MCPH1: variants seen among roughly 807,000 people sequenced by gnomAD.
MCPH1 encodes the protein microcephalin.
MCPH1 carries 104 observed loss-of-function variants against 84.5 expected under a neutral mutation model. The ratio of observed to expected loss-of-function variants is 1.23; its 90% CI spans 1.05 to 1.45. The LOEUF (loss-of-function observed/expected upper bound fraction) is 1.45. Among genes scored for constraint, MCPH1 ranks in the 40% most tolerant of loss-of-function variants. The pLI is 0.00. For synonymous variants in MCPH1, 514 were observed against 366.8 expected (o/e 1.40, Z -4.58); for missense variants, 1,498 against 1,005.7 (o/e 1.49, Z -6.62).
intron 5 of MCPH1, 105 bp downstream of exon 5, chr8:6,436,267 A>C: frequency 8.1e-7 from 1 of 1,228,288 alleles, no homozygotes; most frequent in Middle Eastern, 2.8e-4. Context: ...GATGAAGACT[A>C]TGATAGCTTT....
At chr8:6,613,204 C>T (rs1029082269) in intron 12 of MCPH1, among the ~76,000 whole-genome samples, 4 of 152,002 alleles carry the variant, frequency 2.6e-5, no homozygotes, top group East Asian at 1.9e-4. Flanking sequence ...CACGGCTGAG[C>T]GTGAGAAAGG....
chr8:6,631,972 C>A (rs1299106677), intron 13 of MCPH1, among the ~76,000 whole-genome samples: 1 of 152,198 alleles, frequency 6.6e-6, no homozygotes, highest in African/African-American at 2.4e-5. Flanking sequence ...AAAATGTGGT[C>A]TATCCATACA....
chr8:6,411,389 A>G (rs1380188749), intron 2 of MCPH1, among the ~76,000 whole-genome samples: 3 of 152,248 alleles, frequency 2.0e-5, no homozygotes, highest in African/African-American at 7.2e-5. Flanking sequence ...CAAGTGACCA[A>G]AAGCAAGCAA....
At chr8:6,557,299 A>T (rs78126279) in intron 12 of MCPH1, among the ~76,000 whole-genome samples, 4 of 152,162 alleles carry the variant, frequency 2.6e-5, no homozygotes, top group Non-Finnish European at 5.9e-5. Flanking sequence ...ACTTAAAAAA[A>T]TATACAGGCT....
intron 11 of MCPH1, among the ~76,000 whole-genome samples, chr8:6,498,173 TAC>T (rs1811492201): frequency 6.6e-6 from 1 of 152,270 alleles, no homozygotes. Flanking sequence ...ATGTGTCACC[TAC>T]AAGATGCTGA....
At chr8:6,449,715 A>G (rs1014302064) in intron 8 of MCPH1, among the ~76,000 whole-genome samples, 1 of 152,068 alleles carries the variant, frequency 6.6e-6, no homozygotes, top group African/African-American at 2.4e-5. Flanking sequence ...GTTTGGGCTC[A>G]GGAAGTATGT....
At chr8:6,457,356 G>A (rs1234350884) in intron 9 of MCPH1, among the ~76,000 whole-genome samples, 4 of 152,168 alleles carry the variant, frequency 2.6e-5, no homozygotes, top group Admixed American at 6.5e-5. Flanking sequence ...ACTTTGGGGC[G>A]GGCGGATCAC....
At chr8:6,636,911 G>A (rs1797598985) in intron 13 of MCPH1, among the ~76,000 whole-genome samples, 1 of 152,228 alleles carries the variant, frequency 6.6e-6, no homozygotes, top group Non-Finnish European at 1.5e-5. Context: ...GGAAACAGAA[G>A]TTGGTGTGGT....
intron 12 of MCPH1, chr8:6,500,559 G>T (rs898913609): frequency 6.5e-6 from 1 of 153,486 alleles, no homozygotes; most frequent in African/African-American, 2.4e-5. Context: ...CACTGGTGTT[G>T]TTATTTAGCT....
At chr8:6,466,325 A>G (rs1275904970) in intron 9 of MCPH1, among the ~76,000 whole-genome samples, 2 of 140,216 alleles carry the variant, frequency 1.4e-5, no homozygotes, top group South Asian at 4.6e-4. Flanking sequence ...TTTGAGATGG[A>G]GTCTTGGAGT....
intron 12 of MCPH1, among the ~76,000 whole-genome samples, chr8:6,577,973 G>A (rs963571681): frequency 3.9e-5 from 6 of 152,180 alleles, no homozygotes; most frequent in Non-Finnish European, 5.9e-5. Context: ...TGCTGTGTGC[G>A]ATCCTGTGAG....
chr8:6,634,431 G>C (rs907182097), intron 13 of MCPH1, among the ~76,000 whole-genome samples: 1 of 152,216 alleles, frequency 6.6e-6, no homozygotes, highest in African/African-American at 2.4e-5. Context: ...GCCCCAGAAA[G>C]ATGCTGACTA....
At chr8:6,598,139 G>C (rs910780424) in intron 12 of MCPH1, among the ~76,000 whole-genome samples, 1 of 152,222 alleles carries the variant, frequency 6.6e-6, no homozygotes, top group African/African-American at 2.4e-5. Flanking sequence ...AGGCAGGAAG[G>C]AGGAAAGGGG....
chr8:6,555,743 A>C (rs769990726), intron 12 of MCPH1, among the ~76,000 whole-genome samples: 7 of 152,180 alleles, frequency 4.6e-5, no homozygotes, highest in Admixed American at 1.3e-4. Context: ...GATTACAGGC[A>C]TGAGCCACTG....
chr8:6,469,671 G>A (rs527497165), intron 9 of MCPH1, among the ~76,000 whole-genome samples: 1 of 152,242 alleles, frequency 6.6e-6, no homozygotes, highest in African/African-American at 2.4e-5. Flanking sequence ...AGAACTGATA[G>A]CTAAACCCAA....
chr8:6,534,138 G>A (rs2922882), intron 12 of MCPH1, among the ~76,000 whole-genome samples: 3 of 152,018 alleles, frequency 2.0e-5, no homozygotes, highest in African/African-American at 7.3e-5. Flanking sequence ...GGATGCATGA[G>A]AGGCACAGTC....
chr8:6,417,109 A>G (rs936042268), intron 3 of MCPH1, among the ~76,000 whole-genome samples: 5 of 152,194 alleles, frequency 3.3e-5, no homozygotes, highest in African/African-American at 1.2e-4. Context: ...TAGATTTTAC[A>G]GAACTTGTTG....
At chr8:6,570,925 A>C (rs935216235) in intron 12 of MCPH1, among the ~76,000 whole-genome samples, 16 of 151,510 alleles carry the variant, frequency 1.1e-4, no homozygotes, top group Non-Finnish European at 2.4e-4. Flanking sequence ...TGCACTGTAC[A>C]TCATATGGAA....
rs1377959773 is a variant in MCPH1 at position 6,413,009 on chromosome 8, C to T, written c.115-1756C>T. Among the ~76,000 whole-genome samples the T allele has an allele frequency of 5.3e-5, 8 of 152,116 alleles. 1 individual carries two copies. The highest frequency in any genetic ancestry group is 3.9e-4 in the Admixed American group (6 of 15,272). ...CTTTTGGTATTTACCTTCATATTTC[C>T]AAGCATTGTACATATATTACTTCAG... is the stretch of plus-strand genomic sequence containing the variant. On this transcript the variant is annotated intron_variant, in intron 2 of 13. Transcript: ENST00000344683.
Sources: allele counts gnomAD v4.1 joint callset (sites outside exome capture counted in the v4.1 genomes callset), GRCh38; gene constraint gnomAD v4.1.1; transcripts MANE v1.5; gene names NCBI Gene and HGNC (gene_info 2026-07-23, HGNC 2026-07-21).